LANCL3: variants seen among roughly 807,000 people sequenced by gnomAD.
The protein encoded by LANCL3 is LanC like family member 3.
In LANCL3, 19 loss-of-function variants were observed where a neutral mutation model predicts 26.5. The observed-to-expected ratio is 0.72, with a 90% CI of 0.50 to 1.05. The LOEUF (loss-of-function observed/expected upper bound fraction) is 1.05, where lower values mean the gene tolerates loss of function less well. Ranked by LOEUF, LANCL3 falls within the 50% of genes least tolerant of loss-of-function variation. The pLI is 0.00. For synonymous variants in LANCL3, 160 were observed against 166.6 expected (o/e 0.96, Z 0.30); for missense variants, 318 against 362.7 (o/e 0.88, Z 1.00).
chrX:37,617,477 C>T (rs1925040603), intron 1 of LANCL3, among the ~76,000 whole-genome samples: 2 of 111,328 alleles, frequency 1.8e-5, no homozygotes, highest in African/African-American at 3.3e-5. Context: ...ATGCAAGAAG[C>T]AGATAGGCAT....
intron 3 of LANCL3, among the ~76,000 whole-genome samples, chrX:37,660,959 C>T (rs782023782): frequency 9.4e-6 from 1 of 106,211 alleles, no homozygotes; most frequent in Non-Finnish European, 1.9e-5. Flanking sequence ...TAACTTCTGC[C>T]AATTATGATT....
chrX:37,659,395 C>G, intron 2 of LANCL3, 67 bp from the exon 3 acceptor site: 1 of 823,342 alleles, frequency 1.2e-6, no homozygotes, highest in South Asian at 2.2e-5. Flanking sequence ...TCCTGTTGAT[C>G]TTTTCACTAA....
chrX:37,631,748 G>T (rs1925520136), intron 1 of LANCL3, among the ~76,000 whole-genome samples: 1 of 111,642 alleles, frequency 9.0e-6, no homozygotes, highest in East Asian at 2.8e-4. Context: ...CAGTTTCCAT[G>T]TAGTTGAGCG....
chrX:37,630,088 A>C (rs1271519019), intron 1 of LANCL3, among the ~76,000 whole-genome samples: 1 of 111,343 alleles, frequency 9.0e-6, no homozygotes, highest in East Asian at 2.8e-4. Context: ...ATGAGCATGG[A>C]ATATTCTTCC....
chrX:37,574,812 G>C (rs2146702726), intron 1 of LANCL3, among the ~76,000 whole-genome samples: 1 of 109,904 alleles, frequency 9.1e-6, no homozygotes, highest in South Asian at 3.9e-4. Flanking sequence ...CCTGTCTCAG[G>C]CTGTTTGTTC....
At chrX:37,615,762 GT>G (rs1230254976) in intron 1 of LANCL3, among the ~76,000 whole-genome samples, 1 of 111,564 alleles carries the variant, frequency 9.0e-6, no homozygotes. Flanking sequence ...AACTCAGCAA[GT>G]TTTCGTTGAG....
chrX:37,668,034 C>T (rs1926586790), intron 4 of LANCL3, among the ~76,000 whole-genome samples: 1 of 110,339 alleles, frequency 9.1e-6, no homozygotes, highest in African/African-American at 3.3e-5. Flanking sequence ...TAGGTCCCAC[C>T]TCCAATACTG....
intron 4 of LANCL3, among the ~76,000 whole-genome samples, chrX:37,674,222 A>G (rs146079386): frequency 0.011 from 1,185 of 111,756 alleles, 10 homozygotes; most frequent in Non-Finnish European, 0.017. Flanking sequence ...TCTTTTCTGA[A>G]TGTAGGTAGT....
chrX:37,674,104 C>T (rs1181342889), intron 4 of LANCL3, among the ~76,000 whole-genome samples: 4 of 111,479 alleles, frequency 3.6e-5, no homozygotes, highest in Non-Finnish European at 7.6e-5. Context: ...CTGTGTATCT[C>T]ACTTCCAAAG....
intron 1 of LANCL3, among the ~76,000 whole-genome samples, chrX:37,625,789 G>A (rs996739358): frequency 4.5e-5 from 5 of 110,820 alleles, no homozygotes; most frequent in Admixed American, 9.6e-5. Context: ...TAGGTATAAT[G>A]TACAGAGGTG....
intron 1 of LANCL3, among the ~76,000 whole-genome samples, chrX:37,597,554 C>T (rs975077835): frequency 2.7e-4 from 30 of 110,491 alleles, no homozygotes; most frequent in African/African-American, 9.2e-4. Context: ...CCTCTGTCAC[C>T]AAGGCTGGGG....
intron 1 of LANCL3, among the ~76,000 whole-genome samples, chrX:37,580,341 T>A (rs1556416878): frequency 1.8e-5 from 2 of 112,230 alleles, no homozygotes; most frequent in African/African-American, 6.5e-5. Context: ...TTCCACACAC[T>A]GTTGTAAGTT....
chrX:37,590,115 A>C (rs1228634520), intron 1 of LANCL3, among the ~76,000 whole-genome samples: 1 of 112,355 alleles, frequency 8.9e-6, no homozygotes, highest in Non-Finnish European at 1.9e-5. Context: ...GATACTGTAA[A>C]TTGCCATATA....
chrX:37,581,702 A>G (rs1556417057), intron 1 of LANCL3, among the ~76,000 whole-genome samples: 1 of 112,207 alleles, frequency 8.9e-6, no homozygotes, highest in East Asian at 2.8e-4. Flanking sequence ...AAAATAATTT[A>G]GAAAGCTTTA....
rs1240174692 is a variant in LANCL3, at chrX:37,659,638, C to T, written c.874C>T (p.His292Tyr). Residue 292 changes from histidine (H) to tyrosine (Y), a missense_variant, in exon 3 of 5, where the codon CAC becomes TAC. Coordinates refer to ENST00000378619, the MANE Select transcript of LANCL3 (RefSeq NM_001170331.2). The part of the protein sequence containing the change: ...ETIERENELV[H>Y]WCHGAPGIAY... ...CATCGAGAGAGAGAATGAGCTGGTG[C>T]ACTGGTGCCATGGCGCTCCAGGTCT... is the stretch of plus-strand genomic sequence containing the variant. The T allele has an allele frequency of 5.8e-6, 7 of 1,207,494 alleles. No individual in the cohort carries two copies. The highest frequency in any genetic ancestry group is 2.3e-4 in the Middle Eastern group (1 of 4,302).
At chrX:37,649,501 A>G (rs145355363) in intron 1 of LANCL3, among the ~76,000 whole-genome samples, 4,643 of 111,457 alleles carry the variant, frequency 0.042, 226 homozygotes, top group African/African-American at 0.14. Flanking sequence ...GTCAATAGGT[A>G]CAGCAAACCA....
intron 4 of LANCL3, among the ~76,000 whole-genome samples, chrX:37,670,159 A>T (rs782019187): frequency 1.6e-3 from 177 of 111,870 alleles, no homozygotes; most frequent in Non-Finnish European, 2.7e-3. Context: ...AAGTCATTAG[A>T]TCCATAGGTA....
In LANCL3 at chrX:37,680,567, T is replaced by G. The variant is rs1049103211; in HGVS notation, c.*4754T>G. On this transcript the variant is annotated 3_prime_UTR_variant, in exon 5 of 5. Transcript: ENST00000378619. ...CTAATTACCCCCTCTGAACTGAATT[T>G]GAAAAAATTAATTAAAATAACCGAA... is the stretch of plus-strand genomic sequence containing the variant. 4 of 111,875 alleles carry G rather than the reference T, an allele frequency of 3.6e-5. No individual in the cohort carries two copies. The highest frequency in any genetic ancestry group is 9.8e-5 in the African/African-American group (3 of 30,687). The allele number at this position is 111,875 out of a possible 1,213,427, so 9.2% of individuals were successfully genotyped here.
intron 1 of LANCL3, among the ~76,000 whole-genome samples, chrX:37,573,188 A>T (rs781816064): frequency 8.9e-6 from 1 of 112,302 alleles, no homozygotes; most frequent in Non-Finnish European, 1.9e-5. Flanking sequence ...TTTCACATAC[A>T]TATTTTTTCC....
Sources: gnomAD v4.1 joint callset for allele counts (sites outside exome capture counted in the v4.1 genomes callset) on GRCh38, gnomAD v4.1.1 for gene constraint, MANE v1.5 for transcripts, NCBI Gene and HGNC (gene_info 2026-07-23, HGNC 2026-07-21) for gene names.